Variants in C8orf89 observed in about 807,000 individuals in gnomAD.
C8orf89 encodes putative uncharacterized protein C8orf89.
C8orf89 carries 14 observed loss-of-function variants against 15.8 expected under a neutral mutation model. That is an observed-to-expected ratio of 0.89 (90% CI 0.59 to 1.39). C8orf89 has a LOEUF of 1.39. C8orf89 is among the 40% of genes most tolerant of loss of function. C8orf89 has a pLI of 0.00. For synonymous variants in C8orf89, 55 were observed against 62.2 expected (o/e 0.88, Z 0.54); for missense variants, 181 against 184.5 (o/e 0.98, Z 0.11).
intron 3 of C8orf89, among the ~76,000 whole-genome samples, chr8:73,246,783 G>A (rs1217816391): frequency 1.3e-5 from 2 of 152,138 alleles, no homozygotes; most frequent in African/African-American, 4.8e-5. Flanking sequence ...AACATCCAAG[G>A]AAAAGTTCAT....
At position 73,241,519 on chromosome 8, in the gene C8orf89, T is replaced by C. The variant is rs1813006142; in HGVS notation, c.424A>G (p.Ile142Val). ...GATTTTGTGGTTGTTTCCTGACGAA[T>C]GGTATCATATTCCAATATGGCTATT... Reference protein sequence around the residue: ...SKIAILEYDTIRQETTTKSKK... With the variant: ...SKIAILEYDTVRQETTTKSKK... The change falls in exon 4 of 4, where the codon ATT (isoleucine) becomes GTT (valine). Residue 142 changes from isoleucine to valine, a missense_variant. Transcript: ENST00000624510. The C allele has an allele frequency of 6.5e-7, 1 of 1,533,804 alleles. No individual in the cohort carries two copies. The highest frequency in any genetic ancestry group is 1.2e-5 in the South Asian group (1 of 83,656).
the C8orf89 span, chr8:73,277,511 G>C: frequency 1.3e-6 from 1 of 779,182 alleles, no homozygotes; most frequent in South Asian, 1.4e-5. Context: ...ACTTCCCTGA[G>C]GATGAAGCCT....
intron 3 of C8orf89, among the ~76,000 whole-genome samples, chr8:73,242,000 G>T (rs1813017805): frequency 6.6e-6 from 1 of 152,024 alleles, no homozygotes; most frequent in Non-Finnish European, 1.5e-5. Flanking sequence ...AATCGAAATG[G>T]ATTAAAGACT....
chr8:73,241,618 G>A lies in C8orf89; in HGVS notation c.338-13C>T, dbSNP rs1432308986. On this transcript the variant is annotated splice_polypyrimidine_tract_variant and intron_variant, in intron 3 of 3. Coordinates refer to ENST00000624510, the MANE Select transcript of C8orf89 (RefSeq NM_001243237.3). The stretch of plus-strand genomic sequence containing the variant: ...CTGAAGCCAGAACCTGGAGGAGGAG[G>A]TGGGGAGTCAGCTATTAAAATGAAT... 6.7e-7 allele frequency: 1 copy of A among 1,487,026 alleles called. No individual in the cohort carries two copies. The highest frequency in any genetic ancestry group is 2.3e-5 in the Admixed American group (1 of 43,578). 92.1% of individuals were successfully genotyped at this position (1,487,026 alleles called of 1,614,324 possible).
intron 2 of C8orf89, among the ~76,000 whole-genome samples, chr8:73,256,298 T>C (rs560065725): frequency 7.9e-5 from 12 of 152,176 alleles, no homozygotes; most frequent in African/African-American, 2.9e-4. Context: ...AGACCAGAAA[T>C]GAAGCACAAG....
At chr8:73,248,476 G>T (rs1162277336) in intron 3 of C8orf89, among the ~76,000 whole-genome samples, 1 of 152,116 alleles carries the variant, frequency 6.6e-6, no homozygotes, top group African/African-American at 2.4e-5. Context: ...GTTCTATGAA[G>T]AATGTCATTG....
the C8orf89 span, among the ~76,000 whole-genome samples, chr8:73,285,696 TGG>T: frequency 2.6e-5 from 4 of 152,220 alleles, no homozygotes; most frequent in Middle Eastern, 3.4e-3. Context: ...GCAGCAGGGG[TGG>T]CTGGGGCAGC....
chr8:73,263,012 AACAC>A (rs147171125), upstream of C8orf89, among the ~76,000 whole-genome samples: 1 of 151,820 alleles, frequency 6.6e-6, no homozygotes, highest in Non-Finnish European at 1.5e-5. Context: ...GGCTATTTAA[AACAC>A]ACACACACAC....
the C8orf89 span, among the ~76,000 whole-genome samples, chr8:73,267,980 A>G: frequency 2.6e-5 from 4 of 152,208 alleles, no homozygotes; most frequent in South Asian, 8.3e-4. Context: ...CCCAACTCTG[A>G]TGAAGCCTTT....
intron 3 of C8orf89, among the ~76,000 whole-genome samples, chr8:73,243,083 A>C (rs1055685200): frequency 5.9e-5 from 9 of 152,194 alleles, no homozygotes; most frequent in African/African-American, 2.2e-4. Context: ...ATTCTCAGTT[A>C]TTTGTGGGTG....
At chr8:73,278,551 A>G in the C8orf89 span, among the ~76,000 whole-genome samples, 1 of 152,200 alleles carries the variant, frequency 6.6e-6, no homozygotes, top group African/African-American at 2.4e-5. Context: ...AAAATTTTCT[A>G]CATTTCACCC....
chr8:73,252,708 T>G (rs977435476), intron 2 of C8orf89, among the ~76,000 whole-genome samples: 1 of 152,196 alleles, frequency 6.6e-6, no homozygotes, highest in African/African-American at 2.4e-5. Flanking sequence ...GTCAACCTTG[T>G]GTGCTAGGCA....
At chr8:73,255,153 A>G (rs1229513492) in intron 2 of C8orf89, among the ~76,000 whole-genome samples, 1 of 151,924 alleles carries the variant, frequency 6.6e-6, no homozygotes, top group Non-Finnish European at 1.5e-5. Context: ...CTGCACAGCA[A>G]AAGAAACTAC....
At chr8:73,276,805 A>ATTTTTTTTTTT in the C8orf89 span, among the ~76,000 whole-genome samples, 9 of 87,638 alleles carry the variant, frequency 1.0e-4, no homozygotes, top group African/African-American at 2.1e-4. Flanking sequence ...CACAGCAGTC[A>ATTTTTTTTTTT]TTTTTTTTTT....
the C8orf89 span, chr8:73,277,245 G>A: frequency 2.2e-6 from 1 of 448,202 alleles, no homozygotes; most frequent in African/African-American, 2.0e-5. Context: ...AATCCATACT[G>A]AGAATAGAGT....
At chr8:73,275,231 C>CTTTTTTTTTTTTTTT in the C8orf89 span, among the ~76,000 whole-genome samples, 1 of 84,744 alleles carries the variant, frequency 1.2e-5, no homozygotes, top group African/African-American at 5.0e-5. Flanking sequence ...TGTAATAGTT[C>CTTTTTTTTTTTTTTT]TTTTTTTTTT....
chr8:73,283,101 A>G, the C8orf89 span, among the ~76,000 whole-genome samples: 2 of 152,312 alleles, frequency 1.3e-5, no homozygotes, highest in South Asian at 4.1e-4. Context: ...AAGTTGGCAA[A>G]GGAGATTTGA....
At chr8:73,273,335 C>T in the C8orf89 span, among the ~76,000 whole-genome samples, 1 of 152,240 alleles carries the variant, frequency 6.6e-6, no homozygotes, top group African/African-American at 2.4e-5. Flanking sequence ...GTGCTTGCTT[C>T]CCCTGCCTGG....
intron 2 of C8orf89, among the ~76,000 whole-genome samples, chr8:73,253,016 G>A (rs879538704): frequency 1.3e-5 from 2 of 152,190 alleles, no homozygotes; most frequent in Admixed American, 1.3e-4. Context: ...GGTGGCGGGC[G>A]CCTGTAGTCC....
Sources: allele counts gnomAD v4.1 joint callset (sites outside exome capture counted in the v4.1 genomes callset), GRCh38; gene constraint gnomAD v4.1.1; transcripts MANE v1.5; gene names NCBI Gene and HGNC (gene_info 2026-07-23, HGNC 2026-07-21).